SLC24A2: variants seen among roughly 807,000 people sequenced by gnomAD.
SLC24A2 encodes the protein sodium/potassium/calcium exchanger 2.
A neutral mutation model predicts 62.0 loss-of-function variants in SLC24A2; 36 were observed. The ratio of observed to expected loss-of-function variants is 0.58; its 90% CI spans 0.44 to 0.77. The LOEUF (loss-of-function observed/expected upper bound fraction) is 0.77, where lower values mean the gene tolerates loss of function less well. SLC24A2 is among the 30% of genes least tolerant of loss of function. The pLI, the probability that SLC24A2 is intolerant of heterozygous loss-of-function variation, is 0.00. For synonymous variants in SLC24A2, 358 were observed against 294.0 expected (o/e 1.22, Z -2.23); for missense variants, 846 against 817.9 (o/e 1.03, Z -0.42).
chr9:20,235,838 A>T, the SLC24A2 span, among the ~76,000 whole-genome samples: 2 of 152,218 alleles, frequency 1.3e-5, no homozygotes, highest in Non-Finnish European at 2.9e-5. Context: ...TGGGAGCTGT[A>T]GACCGGAGCT....
At chr9:20,170,607 A>AG in the SLC24A2 span, among the ~76,000 whole-genome samples, 2 of 152,012 alleles carry the variant, frequency 1.3e-5, no homozygotes, top group Non-Finnish European at 2.9e-5. Flanking sequence ...GCTGATGGGA[A>AG]GGGGGTAGGC....
chr9:19,507,577 G>A lies in SLC24A2; in HGVS notation c.*8576C>T, dbSNP rs916783406. The A allele has an allele frequency of 6.6e-6, 1 of 151,310 alleles. No individual in the cohort carries two copies. The highest frequency in any genetic ancestry group is 2.5e-5 in the African/African-American group (1 of 40,650). 9.4% of individuals were successfully genotyped at this position (151,310 alleles called of 1,614,324 possible). A position where few individuals can be genotyped will look rare whatever the true frequency, so the allele number is the denominator to read the frequency against. ...CACAAAGGTATGGACAGTGAAACAA[G>A]AAGAAACACCCTTTATCAGAATGAA... On this transcript the variant is annotated 3_prime_UTR_variant, in exon 11 of 11. Coordinates refer to ENST00000341998, the MANE Select transcript of SLC24A2 (RefSeq NM_020344.4).
intron 2 of SLC24A2, among the ~76,000 whole-genome samples, chr9:19,739,613 G>T (rs566988954): frequency 6.6e-6 from 1 of 152,154 alleles, no homozygotes; most frequent in African/African-American, 2.4e-5. Flanking sequence ...ATATTGATAT[G>T]CGGGAAGAAA....
At chr9:19,567,544 CAAAA>C (rs747824353) in intron 7 of SLC24A2, among the ~76,000 whole-genome samples, 70 of 38,418 alleles carry the variant, frequency 1.8e-3, no homozygotes, top group Non-Finnish European at 3.3e-3. Context: ...GACTCCATCT[CAAAA>C]AAAAAAAAAA....
At chr9:19,560,866 A>C (rs1425223659) in intron 7 of SLC24A2, among the ~76,000 whole-genome samples, 1 of 140,960 alleles carries the variant, frequency 7.1e-6, no homozygotes, top group African/African-American at 2.7e-5. Flanking sequence ...TTAATTTCTC[A>C]ATGTCTTTGC....
chr9:19,941,615 G>GAA, the SLC24A2 span, among the ~76,000 whole-genome samples: 4 of 151,542 alleles, frequency 2.6e-5, no homozygotes, highest in African/African-American at 9.7e-5. Flanking sequence ...GAGAGAAAGA[G>GAA]AGAGTTGTAG....
chr9:19,871,110 T>C, the SLC24A2 span, among the ~76,000 whole-genome samples: 1 of 152,088 alleles, frequency 6.6e-6, no homozygotes, highest in Non-Finnish European at 1.5e-5. Context: ...AGTTTTATAG[T>C]TTTGGCTTTT....
At chr9:19,764,029 G>C (rs13294791) in intron 2 of SLC24A2, among the ~76,000 whole-genome samples, 1 of 152,216 alleles carries the variant, frequency 6.6e-6, no homozygotes, top group East Asian at 1.9e-4. Context: ...CTTCTTCCTG[G>C]TTTAGTCTTG....
chr9:20,266,734 G>A, the SLC24A2 span, among the ~76,000 whole-genome samples: 16 of 152,180 alleles, frequency 1.1e-4, no homozygotes, highest in African/African-American at 3.9e-4. Context: ...TATCCTTGGA[G>A]ATTCACGGTG....
chr9:19,638,809 A>G (rs1409812124), intron 2 of SLC24A2, among the ~76,000 whole-genome samples: 1 of 151,688 alleles, frequency 6.6e-6, no homozygotes, highest in Non-Finnish European at 1.5e-5. Flanking sequence ...TGACATACGT[A>G]AAATTCCTGG....
the SLC24A2 span, among the ~76,000 whole-genome samples, chr9:20,249,676 G>T: frequency 7.5e-6 from 1 of 133,738 alleles, no homozygotes; most frequent in Admixed American, 8.5e-5. Flanking sequence ...TTGCACTCCA[G>T]CCTGGGCAGC....
chr9:20,280,641 G>A, the SLC24A2 span, among the ~76,000 whole-genome samples: 8 of 152,186 alleles, frequency 5.3e-5, no homozygotes, highest in African/African-American at 1.9e-4. Flanking sequence ...CCTGTACTAG[G>A]TCAAATTGTG....
the SLC24A2 span, among the ~76,000 whole-genome samples, chr9:20,209,914 T>A: frequency 5.1e-4 from 78 of 152,286 alleles, 1 homozygote; most frequent in African/African-American, 1.8e-3. Flanking sequence ...AATAACACCA[T>A]CCTTCTTGAC....
At chr9:20,019,876 A>G in the SLC24A2 span, among the ~76,000 whole-genome samples, 5 of 68,510 alleles carry the variant, frequency 7.3e-5, no homozygotes, top group Admixed American at 9.4e-4. Flanking sequence ...AATTTACCAG[A>G]AAAAAAAAAA....
At chr9:19,730,880 T>G (rs1265720118) in intron 2 of SLC24A2, among the ~76,000 whole-genome samples, 1 of 26,308 alleles carries the variant, frequency 3.8e-5, no homozygotes, top group Admixed American at 4.3e-4. Context: ...AACTCTTAGG[T>G]TTTTTTTTTT....
chr9:19,704,142 A>C lies in SLC24A2; in HGVS notation c.930+81795T>G, dbSNP rs1218416925. Among the ~76,000 whole-genome samples the C allele has an allele frequency of 3.9e-5, 4 of 102,768 alleles. No homozygotes were observed. In the Admixed American group the frequency reaches 4.1e-4, roughly 10 times the overall value. The allele number at this position is 102,768 out of a possible 152,430, so 67.4% of individuals were successfully genotyped here. A position where few individuals can be genotyped will look rare whatever the true frequency, so the allele number is the denominator to read the frequency against. On this transcript the variant is annotated intron_variant, in intron 2 of 10. Transcript: ENST00000341998. ...GACCAATATTTTCACCTATACCTGG[A>C]ACTTGTTAAGATTCAGTTTCTGATG...
chr9:19,619,895 CCCTTTTTA>C (rs1326153467), intron 3 of SLC24A2, among the ~76,000 whole-genome samples: 26 of 152,306 alleles, frequency 1.7e-4, no homozygotes, highest in Middle Eastern at 6.8e-3. Context: ...TGCATTGCTT[CCCTTTTTA>C]AAAAGAGCTT....
the SLC24A2 span, among the ~76,000 whole-genome samples, chr9:19,946,007 C>A: frequency 6.6e-6 from 1 of 152,168 alleles, no homozygotes; most frequent in African/African-American, 2.4e-5. Context: ...AGGTCCCAAT[C>A]AGTTTCAAAA....
intron 5 of SLC24A2, among the ~76,000 whole-genome samples, chr9:19,583,100 G>A (rs1285027601): frequency 6.6e-6 from 1 of 152,150 alleles, no homozygotes; most frequent in African/African-American, 2.4e-5. Context: ...CAAAGTGAAA[G>A]CCAAAGTCTT....
Sources: allele counts gnomAD v4.1 joint callset (sites outside exome capture counted in the v4.1 genomes callset), GRCh38; gene constraint gnomAD v4.1.1; transcripts MANE v1.5; gene names NCBI Gene and HGNC (gene_info 2026-07-23, HGNC 2026-07-21).